Variants in CDC14A observed in about 807,000 individuals in gnomAD.
CDC14A encodes the protein cell division cycle 14A, also known as dual specificity protein phosphatase CDC14A.
A neutral mutation model predicts 74.4 loss-of-function variants in CDC14A; 53 were observed. The observed-to-expected ratio is 0.71, with a 90% CI of 0.57 to 0.89. The LOEUF (loss-of-function observed/expected upper bound fraction) is 0.89, where lower values mean the gene tolerates loss of function less well. CDC14A is among the 40% of genes least tolerant of loss of function. CDC14A has a pLI of 0.00. For missense variants in CDC14A, 646 were observed against 713.7 expected (o/e 0.91, Z 1.08); for synonymous variants, 247 against 258.4 (o/e 0.96, Z 0.43).
At chr1:100,349,520 C>A (rs979055838), upstream of CDC14A, among the ~76,000 whole-genome samples, 3 of 152,104 alleles carry the variant, frequency 2.0e-5, no homozygotes, top group Non-Finnish European at 4.4e-5. Context: ...TCATTAGAAC[C>A]TTGGTATGTA....
chr1:100,380,901 T>G (rs1377609538), intron 3 of CDC14A, among the ~76,000 whole-genome samples: 3 of 152,226 alleles, frequency 2.0e-5, no homozygotes, highest in African/African-American at 4.8e-5. Context: ...TGATAGCTCT[T>G]CATTCTTTAA....
At chr1:100,515,406 C>T (rs571945788) in intron 15 of CDC14A, among the ~76,000 whole-genome samples, 72 of 140,298 alleles carry the variant, frequency 5.1e-4, no homozygotes, top group South Asian at 3.9e-3. Flanking sequence ...TTTTTTGAGA[C>T]GGAGTTTTGC....
intron 5 of CDC14A, among the ~76,000 whole-genome samples, chr1:100,437,910 C>CT (rs1664523529): frequency 1.3e-5 from 2 of 151,612 alleles, no homozygotes; most frequent in South Asian, 4.2e-4. Flanking sequence ...TTTTTACCCC[C>CT]TTTTAAAAAA....
intron 11 of CDC14A, among the ~76,000 whole-genome samples, chr1:100,490,068 C>T (rs1056972718): frequency 3.9e-5 from 6 of 152,154 alleles, no homozygotes; most frequent in African/African-American, 9.7e-5. Flanking sequence ...TTCAAACACT[C>T]CCCTGGCTAC....
At chr1:100,493,648 G>A (rs1216154657) in intron 11 of CDC14A, among the ~76,000 whole-genome samples, 9 of 152,204 alleles carry the variant, frequency 5.9e-5, no homozygotes, top group African/African-American at 2.2e-4. Context: ...TGCACAGGAC[G>A]ACCTTTCCTG....
chr1:100,458,573 A>G (rs1666962003), intron 8 of CDC14A, among the ~76,000 whole-genome samples: 1 of 152,232 alleles, frequency 6.6e-6, no homozygotes, highest in African/African-American at 2.4e-5. Context: ...ATTCACTAGA[A>G]GCTTCACTAT....
intron 3 of CDC14A, among the ~76,000 whole-genome samples, chr1:100,390,087 T>A (rs190201340): frequency 2.0e-5 from 3 of 152,352 alleles, no homozygotes; most frequent in East Asian, 3.9e-4. Flanking sequence ...TGCAGCATAT[T>A]GCCTGGCATA....
rs1264232395 is a variant in CDC14A, at chr1:100,491,937, G to A, written c.1138-2881G>A. Among the ~76,000 whole-genome samples the A allele has an allele frequency of 2.7e-5, 4 of 150,030 alleles. No homozygotes were observed. In the Admixed American group the frequency reaches 2.7e-4, roughly 10 times the overall value. ...TCGTCACCACCGCAGCCACCCGAGA[G>A]GAGCTGGGGAAGAACAGTGGCCCGC... On this transcript the variant is annotated intron_variant, in intron 11 of 15. Transcript: ENST00000336454.
Position 100,491,518 on chromosome 1 carries a change from ATCTCTCTC to A in CDC14A, c.1138-3276_1138-3269del, listed in dbSNP as rs761858427. 3.2e-3 allele frequency among the ~76,000 whole-genome samples: 84 copies of A among 26,578 alleles called. 3 individuals are homozygous for A. Among genetic ancestry groups the A allele is most frequent in the East Asian group, 0.017 (14 of 834 alleles). The allele number at this position is 26,578 out of a possible 152,430, so 17.4% of individuals were successfully genotyped here. On this transcript the variant is annotated intron_variant, in intron 11 of 15. Coordinates refer to ENST00000336454, the MANE Select transcript of CDC14A (RefSeq NM_003672.4). ...AAAAATATATCATAAATATATCTGCATCTCTCTCTCTCTCTCTCTCTCTCTCTCTCTAT... is the reference window on the plus strand; with the variant it reads ...AAAAATATATCATAAATATATCTGCATCTCTCTCTCTCTCTCTCTCTCTAT...
intron 11 of CDC14A, among the ~76,000 whole-genome samples, chr1:100,492,139 A>G (rs938075440): frequency 6.6e-6 from 1 of 152,160 alleles, no homozygotes; most frequent in African/African-American, 2.4e-5. Context: ...GACCTTTAAG[A>G]TTCACAATAG....
intron 3 of CDC14A, among the ~76,000 whole-genome samples, chr1:100,384,101 C>CA (rs1656524321): frequency 6.6e-6 from 1 of 152,150 alleles, no homozygotes; most frequent in Admixed American, 6.6e-5. Context: ...TTGTGTTTTA[C>CA]AAGGAGTGAT....
At chr1:100,400,264 T>G (rs567574813) in intron 4 of CDC14A, among the ~76,000 whole-genome samples, 2 of 152,362 alleles carry the variant, frequency 1.3e-5, no homozygotes, top group South Asian at 2.1e-4. Flanking sequence ...TGACTCACAA[T>G]TCTGTAAATT....
intron 4 of CDC14A, among the ~76,000 whole-genome samples, chr1:100,413,426 A>T (rs1373385534): frequency 6.6e-6 from 1 of 152,226 alleles, no homozygotes; most frequent in East Asian, 1.9e-4. Context: ...AACTTCCTGA[A>T]ATTTGAAAAA....
chr1:100,504,503 T>A (rs145527781), intron 15 of CDC14A, among the ~76,000 whole-genome samples: 1 of 152,330 alleles, frequency 6.6e-6, no homozygotes, highest in African/African-American at 2.4e-5. Flanking sequence ...GTCCCAACTA[T>A]TCAACTCAAT....
intron 4 of CDC14A, among the ~76,000 whole-genome samples, chr1:100,399,683 G>C (rs368756316): frequency 6.6e-6 from 1 of 151,980 alleles, no homozygotes; most frequent in African/African-American, 2.4e-5. Flanking sequence ...CCATTTTAGA[G>C]TGGATAAGTG....
At chr1:100,478,670 C>G (rs1342744144) in intron 10 of CDC14A, among the ~76,000 whole-genome samples, 1 of 152,164 alleles carries the variant, frequency 6.6e-6, no homozygotes, top group East Asian at 1.9e-4. Flanking sequence ...TAAAGCAGAG[C>G]TTCCATTTTG....
At chr1:100,427,788 G>A (rs1384253359) in intron 5 of CDC14A, among the ~76,000 whole-genome samples, 2 of 152,190 alleles carry the variant, frequency 1.3e-5, no homozygotes, top group Admixed American at 1.3e-4. Context: ...GGAGAGCTCA[G>A]TGTATAGTCT....
chr1:100,424,020 A>G (rs565955417), intron 4 of CDC14A: 2 of 517,850 alleles, frequency 3.9e-6, no homozygotes, highest in South Asian at 4.1e-5. Context: ...CTCTGTCTCT[A>G]AGCTTACCCA....
At chr1:100,462,544 C>T (rs1313501600) in intron 8 of CDC14A, 107 bp from the exon 9 acceptor site, 7 of 850,384 alleles carry the variant, frequency 8.2e-6, no homozygotes. Flanking sequence ...ACACTTTCCT[C>T]CCAAGCTTTG....
Sources: gnomAD v4.1 joint callset for allele counts (sites outside exome capture counted in the v4.1 genomes callset) on GRCh38, gnomAD v4.1.1 for gene constraint, MANE v1.5 for transcripts, NCBI Gene and HGNC (gene_info 2026-07-23, HGNC 2026-07-21) for gene names.